The following CFAP54 variants were observed in gnomAD, a reference collection of about 807,000 sequenced individuals.
CFAP54 encodes the protein cilia and flagella associated protein 54.
In CFAP54, 290 loss-of-function variants were observed where a neutral mutation model predicts 370.4. The observed-to-expected ratio is 0.78, with a 90% CI of 0.71 to 0.86. The LOEUF is 0.86. Ranked by LOEUF, CFAP54 falls within the 40% of genes least tolerant of loss-of-function variation. The pLI, the probability that CFAP54 is intolerant of heterozygous loss-of-function variation, is 0.00. For synonymous variants in CFAP54, 1,206 were observed against 1,236.5 expected (o/e 0.98, Z 0.52); for missense variants, 3,399 against 3,528.7 (o/e 0.96, Z 0.93).
At position 96,589,350 on chromosome 12, in the gene CFAP54, G is replaced by A; in HGVS notation, c.3076-77G>A. The A allele has an allele frequency of 3.4e-6, 4 of 1,172,814 alleles. No homozygotes were observed. In the South Asian group the frequency reaches 4.3e-5, roughly 13 times the overall value. 72.7% of individuals were successfully genotyped at this position (1,172,814 alleles called of 1,614,324 possible). ...ACCTTATAAAATGCTGTCATAGATT[G>A]TATATTTTAAGAATTATTGTTTAAA... On this transcript the variant is annotated intron_variant, in intron 22 of 67. Coordinates refer to ENST00000524981, the MANE Select transcript of CFAP54 (RefSeq NM_001306084.2).
chr12:96,632,859 G>A (rs1956623230), intron 32 of CFAP54, among the ~76,000 whole-genome samples: 1 of 151,942 alleles, frequency 6.6e-6, no homozygotes, highest in Non-Finnish European at 1.5e-5. Flanking sequence ...ACACTGTTGT[G>A]TTTTTCTGTT....
At chr12:96,513,357 G>C (rs977187339) in intron 5 of CFAP54, among the ~76,000 whole-genome samples, 1 of 152,144 alleles carries the variant, frequency 6.6e-6, no homozygotes. Context: ...CTTTAGGTAG[G>C]GTGACCATCC....
Position 96,685,035 on chromosome 12 carries a change from T to A in CFAP54, c.5811T>A (p.Ala1937=), listed in dbSNP as rs542837643. Reference sequence around the variant, plus strand: ...TGCTTTGTCTCTGTTTTAGGGCTGCTTTTAAGTGTTGGTGTCAAGCTCTTG... The same window carrying A: ...TGCTTTGTCTCTGTTTTAGGGCTGCATTTAAGTGTTGGTGTCAAGCTCTTG... The part of the protein sequence containing the change: ...LLIFAEKKRA[A]FKCWCQALDD... Residue 1937 remains alanine, a synonymous_variant, in exon 42 of 68, where the codon GCT becomes GCA. Transcript: ENST00000524981. 6.2e-7 allele frequency: 1 copy of A among 1,613,900 alleles called. No homozygotes were observed. Among genetic ancestry groups the A allele is most frequent in the African/African-American group, 1.3e-5 (1 of 75,038 alleles).
chr12:96,789,875 C>A (rs529738780), intron 62 of CFAP54, among the ~76,000 whole-genome samples: 2 of 152,240 alleles, frequency 1.3e-5, no homozygotes, highest in East Asian at 1.9e-4. Context: ...AGCTAATGAG[C>A]ATAAAGCCTT....
chr12:96,775,522 A>G (rs562572634), intron 60 of CFAP54, among the ~76,000 whole-genome samples: 1 of 152,322 alleles, frequency 6.6e-6, no homozygotes, highest in Admixed American at 6.5e-5. Context: ...TTTTTTTCCA[A>G]CCATTAAAAA....
chr12:96,756,475 A>T lies in CFAP54; in HGVS notation c.7858A>T (p.Ile2620Leu), dbSNP rs765954315. 1.3e-6 allele frequency: 2 copies of T among 1,598,630 alleles called. No homozygotes were observed. Among genetic ancestry groups the T allele is most frequent in the Non-Finnish European group, 1.7e-6 (2 of 1,173,808 alleles). ...LFQKGKIERQILMEEKSPSFQ... is the reference protein window; with the variant it reads ...LFQKGKIERQLLMEEKSPSFQ... Reference sequence around the variant, plus strand: ...TCTTTCAGGCAAAATAGAACGTCAAATACTAATGGAAGAGAAATCTCCAAG... The same window carrying T: ...TCTTTCAGGCAAAATAGAACGTCAATTACTAATGGAAGAGAAATCTCCAAG... The change falls in exon 57 of 68, where the codon ATA becomes TTA. Residue 2620 changes from isoleucine to leucine, a missense_variant. Coordinates refer to ENST00000524981, the MANE Select transcript of CFAP54 (RefSeq NM_001306084.2).
chr12:96,683,722 T>C (rs1957294979), intron 40 of CFAP54, among the ~76,000 whole-genome samples: 1 of 152,078 alleles, frequency 6.6e-6, no homozygotes, highest in Admixed American at 6.5e-5. Context: ...ACCACTGCCA[T>C]GTTGGTTGGG....
At chr12:96,587,108 C>T (rs745466036) in intron 22 of CFAP54, among the ~76,000 whole-genome samples, 10 of 151,854 alleles carry the variant, frequency 6.6e-5, no homozygotes, top group Non-Finnish European at 1.3e-4. Flanking sequence ...GGTGGAGGTT[C>T]GGGGGAGTGG....
At chr12:96,530,698 G>GTGCA (rs1955433106) in intron 9 of CFAP54, among the ~76,000 whole-genome samples, 1 of 152,214 alleles carries the variant, frequency 6.6e-6, no homozygotes, top group Admixed American at 6.5e-5. Context: ...ATGCTCAACA[G>GTGCA]TGCAATTGCT....
chr12:96,789,654 G>C (rs993593055), intron 62 of CFAP54, among the ~76,000 whole-genome samples: 3 of 152,200 alleles, frequency 2.0e-5, no homozygotes, highest in Non-Finnish European at 4.4e-5. Context: ...ATTTCCTAAA[G>C]ATTATGCTCC....
intron 50 of CFAP54, among the ~76,000 whole-genome samples, chr12:96,737,357 G>A (rs149401821): frequency 3.3e-5 from 5 of 151,746 alleles, no homozygotes; most frequent in African/African-American, 1.2e-4. Flanking sequence ...GCAAACACTT[G>A]GTAAATACCA....
intron 9 of CFAP54, among the ~76,000 whole-genome samples, chr12:96,528,508 C>T (rs1413185496): frequency 2.6e-5 from 4 of 152,060 alleles, no homozygotes; most frequent in Admixed American, 1.3e-4. Context: ...ATGTTTGTGT[C>T]ATATTGGTGT....
Position 96,874,733 on chromosome 12 carries a change from C to T in CFAP54, c.*15-385C>T, listed in dbSNP as rs1188958523. ...CAAGCTCCGCCTCCCGGGTTCACGC[C>T]ATTCTCCTGCCTCAGCCTCCCGAGT... On this transcript the variant is annotated intron_variant, in intron 67 of 67. Transcript: ENST00000524981. Among the ~76,000 whole-genome samples, 3 of 148,950 alleles carry T rather than the reference C, an allele frequency of 2.0e-5. No individual in the cohort carries two copies. In the East Asian group the frequency reaches 6.0e-4, roughly 30 times the overall value.
intron 15 of CFAP54, among the ~76,000 whole-genome samples, chr12:96,550,222 A>G (rs1276213363): frequency 6.6e-6 from 1 of 152,096 alleles, no homozygotes; most frequent in Non-Finnish European, 1.5e-5. Context: ...GGTGGTAGTG[A>G]TGGTGATGAT....
At chr12:96,520,766 G>C (rs1016395833) in intron 6 of CFAP54, among the ~76,000 whole-genome samples, 4 of 152,204 alleles carry the variant, frequency 2.6e-5, no homozygotes, top group Non-Finnish European at 4.4e-5. Context: ...AACCTCTTTG[G>C]CTGGAAGTCT....
At chr12:96,833,526 G>GTT (rs1286265139) in intron 66 of CFAP54, among the ~76,000 whole-genome samples, 1 of 151,860 alleles carries the variant, frequency 6.6e-6, no homozygotes, top group Non-Finnish European at 1.5e-5. Context: ...GTGTGTGTGT[G>GTT]TGTGTGTGTG....
chr12:96,825,494 C>CATACATAATTAT (rs1332711600), intron 65 of CFAP54, among the ~76,000 whole-genome samples: 2 of 100,054 alleles, frequency 2.0e-5, no homozygotes, highest in Non-Finnish European at 3.8e-5. Context: ...ACATATATAA[C>CATACATAATTAT]ATACATAATT....
In CFAP54 at chr12:96,489,762, C is replaced by T; in HGVS notation, c.153C>T (p.Cys51=). Residue 51 remains cysteine (C), a synonymous_variant, in exon 1 of 68, where the codon TGC becomes TGT. Coordinates refer to ENST00000524981, the MANE Select transcript of CFAP54 (RefSeq NM_001306084.2). ...GGAGCTCGCTGCTTCAGTGGACCTG[C>T]CCCGAGGACTCATTGCCCCTAGCCG... ...SSRSSLLQWT[C]PEDSLPLAVF... is the part of the protein sequence containing the mutation. 1 of 1,536,130 alleles carries T rather than the reference C, an allele frequency of 6.5e-7. No individual in the cohort carries two copies. Among genetic ancestry groups the T allele is most frequent in the Non-Finnish European group, 8.7e-7 (1 of 1,146,920 alleles).
At chr12:96,767,982 C>G (rs1176281314) in intron 60 of CFAP54, among the ~76,000 whole-genome samples, 1 of 152,034 alleles carries the variant, frequency 6.6e-6, no homozygotes, top group African/African-American at 2.4e-5. Flanking sequence ...CCATGAGCTT[C>G]TAGTCATGGG....
Sources: allele counts gnomAD v4.1 joint callset (sites outside exome capture counted in the v4.1 genomes callset), GRCh38; gene constraint gnomAD v4.1.1; transcripts MANE v1.5; gene names NCBI Gene and HGNC (gene_info 2026-07-23, HGNC 2026-07-21).